Variants in CCSER1 observed in about 807,000 individuals in gnomAD.
CCSER1 encodes serine-rich coiled-coil domain-containing protein 1.
A neutral mutation model predicts 82.0 loss-of-function variants in CCSER1; 41 were observed. The ratio of observed to expected loss-of-function variants is 0.50; its 90% CI spans 0.39 to 0.65. The LOEUF is 0.65. Among genes scored for constraint, CCSER1 ranks in the 30% least tolerant of loss-of-function variants. CCSER1 has a pLI of 0.00. For missense variants in CCSER1, 1,119 were observed against 1,064.2 expected (o/e 1.05, Z -0.72); for synonymous variants, 414 against 383.9 (o/e 1.08, Z -0.92).
At chr4:91,487,230 C>G (rs1176407737) in intron 10 of CCSER1, among the ~76,000 whole-genome samples, 2 of 152,034 alleles carry the variant, frequency 1.3e-5, no homozygotes, top group African/African-American at 2.4e-5. Flanking sequence ...TTAAGTTCTT[C>G]CTTTCAACTT....
chr4:90,790,039 C>T (rs143322010), intron 7 of CCSER1, among the ~76,000 whole-genome samples: 2,831 of 152,268 alleles, frequency 0.019, 50 homozygotes, highest in Non-Finnish European at 0.029. Flanking sequence ...ACTCTCCCTT[C>T]TCATTTGCCT....
At chr4:90,759,604 C>G (rs1251448544) in intron 7 of CCSER1, among the ~76,000 whole-genome samples, 1 of 152,118 alleles carries the variant, frequency 6.6e-6, no homozygotes. Context: ...AGTCGTGTCT[C>G]TGAACTTGGA....
intron 7 of CCSER1, among the ~76,000 whole-genome samples, chr4:90,799,362 T>C (rs1756479741): frequency 6.6e-6 from 1 of 152,042 alleles, no homozygotes; most frequent in Admixed American, 6.5e-5. Context: ...GGACAGACAG[T>C]CTGTGAGGTA....
chr4:90,460,634 C>T (rs187275386), intron 4 of CCSER1, among the ~76,000 whole-genome samples: 4 of 152,188 alleles, frequency 2.6e-5, no homozygotes, highest in African/African-American at 9.6e-5. Context: ...AATTCCTTCA[C>T]ATCTTAACAA....
At chr4:91,218,087 G>A (rs1453002492) in intron 10 of CCSER1, among the ~76,000 whole-genome samples, 3 of 152,222 alleles carry the variant, frequency 2.0e-5, no homozygotes, top group Non-Finnish European at 2.9e-5. Context: ...CTCAGGCATG[G>A]AGGGCTGCAG....
chr4:91,022,854 G>A (rs1340781485), intron 9 of CCSER1, among the ~76,000 whole-genome samples: 1 of 152,114 alleles, frequency 6.6e-6, no homozygotes, highest in Non-Finnish European at 1.5e-5. Context: ...TTTTGATGGG[G>A]TTGTTTATTT....
In CCSER1 at chr4:90,795,115, C is replaced by T. The variant is rs139167973; in HGVS notation, c.2011-20647C>T. Among the ~76,000 whole-genome samples, 70 of 151,904 alleles carry T rather than the reference C, an allele frequency of 4.6e-4. 1 individual carries two copies. The East Asian group carries it at 0.011, about 25-fold the overall frequency. On this transcript the variant is annotated intron_variant, in intron 7 of 10. Transcript: ENST00000509176. ...ACCAGCCTGGCCAACATGGTGAAAC[C>T]CCATCTCTACTAAAAATACAACTTA...
intron 6 of CCSER1, among the ~76,000 whole-genome samples, chr4:90,650,202 G>A (rs1443242878): frequency 6.6e-6 from 1 of 151,436 alleles, no homozygotes; most frequent in Admixed American, 6.6e-5. Context: ...GGGCGACTGA[G>A]CAAGACTCCG....
chr4:91,177,301 C>T (rs1733494662), intron 10 of CCSER1, among the ~76,000 whole-genome samples: 1 of 152,174 alleles, frequency 6.6e-6, no homozygotes, highest in Non-Finnish European at 1.5e-5. Flanking sequence ...GTGTCTCTGC[C>T]AGGCTTTGGT....
At chr4:90,992,783 C>CT (rs1737154737) in intron 9 of CCSER1, among the ~76,000 whole-genome samples, 2 of 151,894 alleles carry the variant, frequency 1.3e-5, no homozygotes, top group Non-Finnish European at 2.9e-5. Flanking sequence ...TAGTATGACT[C>CT]TTTGCTTTCC....
chr4:90,689,761 G>A (rs988547733), intron 6 of CCSER1, among the ~76,000 whole-genome samples: 4 of 152,128 alleles, frequency 2.6e-5, no homozygotes, highest in African/African-American at 9.7e-5. Flanking sequence ...AGAGAATTCA[G>A]TGGAAGTTTC....
intron 9 of CCSER1, among the ~76,000 whole-genome samples, chr4:91,013,006 T>C (rs1232541406): frequency 7.4e-6 from 1 of 134,662 alleles, no homozygotes; most frequent in African/African-American, 2.5e-5. Context: ...ATTTTATACA[T>C]GGCTTTCCTT....
intron 10 of CCSER1, among the ~76,000 whole-genome samples, chr4:91,376,349 C>G (rs1160859117): frequency 6.6e-6 from 1 of 152,080 alleles, no homozygotes; most frequent in Non-Finnish European, 1.5e-5. Context: ...AGGCTATGAA[C>G]CTTTGAGCAT....
At chr4:90,292,509 G>A (rs986688469) in intron 1 of CCSER1, among the ~76,000 whole-genome samples, 1 of 151,832 alleles carries the variant, frequency 6.6e-6, no homozygotes, top group African/African-American at 2.4e-5. Flanking sequence ...TATATGTTGA[G>A]TTCAAAGACA....
At chr4:91,002,553 A>G (rs1401912053) in intron 9 of CCSER1, among the ~76,000 whole-genome samples, 1 of 152,006 alleles carries the variant, frequency 6.6e-6, no homozygotes, top group East Asian at 1.9e-4. Flanking sequence ...GAATTTCCAG[A>G]GCATTTTGCA....
chr4:90,664,225 T>C (rs563929210), intron 6 of CCSER1, among the ~76,000 whole-genome samples: 1 of 152,308 alleles, frequency 6.6e-6, no homozygotes, highest in South Asian at 2.1e-4. Context: ...CTTCGTTATT[T>C]ACTAATACAT....
At position 91,518,573 on chromosome 4, in the gene CCSER1, T is replaced by G. The variant is rs555139489; in HGVS notation, c.2218-79999T>G. 2.0e-5 allele frequency among the ~76,000 whole-genome samples: 3 copies of G among 152,288 alleles called. No individual in the cohort carries two copies. In the East Asian group the frequency reaches 5.8e-4, roughly 30 times the overall value. ...CTGTTCAGCCAGAGGGTGGGGCAGCTGTACTGCTAGCCTGAGCTAGTGGGT... is the reference window on the plus strand; with the variant it reads ...CTGTTCAGCCAGAGGGTGGGGCAGCGGTACTGCTAGCCTGAGCTAGTGGGT... On this transcript the variant is annotated intron_variant, in intron 10 of 10. Transcript: ENST00000509176.
chr4:91,293,842 A>C (rs992036523), intron 10 of CCSER1, among the ~76,000 whole-genome samples: 1 of 151,988 alleles, frequency 6.6e-6, no homozygotes, highest in Non-Finnish European at 1.5e-5. Flanking sequence ...CAGGCTGTCA[A>C]GTTTAAAAGC....
intron 1 of CCSER1, among the ~76,000 whole-genome samples, chr4:90,207,886 G>C (rs1739195469): frequency 6.6e-6 from 1 of 152,138 alleles, no homozygotes; most frequent in Non-Finnish European, 1.5e-5. Flanking sequence ...TCCTAGAGGG[G>C]CACCCGCCAG....
Sources: allele counts gnomAD v4.1 joint callset (sites outside exome capture counted in the v4.1 genomes callset), GRCh38; gene constraint gnomAD v4.1.1; transcripts MANE v1.5; gene names NCBI Gene and HGNC (gene_info 2026-07-23, HGNC 2026-07-21).